The following SRSF12 variants were observed in gnomAD, a reference collection of about 807,000 sequenced individuals.
SRSF12 encodes serine/arginine-rich splicing factor 12.
In SRSF12, 21 loss-of-function variants were observed where a neutral mutation model predicts 34.1. The observed-to-expected ratio is 0.62, with a 90% CI of 0.44 to 0.89. The LOEUF is 0.89. SRSF12 is among the 40% of genes least tolerant of loss of function. SRSF12 has a pLI of 0.00. For synonymous variants in SRSF12, 111 were observed against 110.8 expected (o/e 1.00, Z -0.01); for missense variants, 278 against 327.8 (o/e 0.85, Z 1.17).
At chr6:89,104,053 T>C (rs76290300) in intron 4 of SRSF12, among the ~76,000 whole-genome samples, 8,155 of 128,956 alleles carry the variant, frequency 0.063, 731 homozygotes, top group African/African-American at 0.2. Flanking sequence ...GCCAGGCTAG[T>C]CTCAAACTCC....
At position 89,096,799 on chromosome 6, in the gene SRSF12, C is replaced by T. The variant is rs535638743; in HGVS notation, c.*1779G>A. ...TGGTGTGAGCCACTGTGCCCAGCCC[C>T]TAGTTTTTAAAATGATTTCACTTAT... On this transcript the variant is annotated 3_prime_UTR_variant, in exon 5 of 5. Transcript: ENST00000452027. The T allele has an allele frequency of 1.3e-5, 2 of 152,148 alleles. No homozygotes were observed. Among genetic ancestry groups the T allele is most frequent in the African/African-American group, 4.8e-5 (2 of 41,432 alleles). The allele number at this position is 152,148 out of a possible 1,614,324, so 9.4% of individuals were successfully genotyped here. A position where few individuals can be genotyped will look rare whatever the true frequency, so the allele number is the denominator to read the frequency against.
At chr6:89,112,739 T>C (rs1769118191) in intron 1 of SRSF12, among the ~76,000 whole-genome samples, 1 of 152,150 alleles carries the variant, frequency 6.6e-6, no homozygotes, top group Non-Finnish European at 1.5e-5. Flanking sequence ...ATATAGCTTT[T>C]TCCTTTTTTC....
intron 4 of SRSF12, among the ~76,000 whole-genome samples, chr6:89,101,499 A>G (rs1055465991): frequency 1.4e-4 from 22 of 152,280 alleles, no homozygotes; most frequent in African/African-American, 5.1e-4. Context: ...AGGCAGGTGG[A>G]TCACCTGAGG....
intron 4 of SRSF12, among the ~76,000 whole-genome samples, chr6:89,103,942 T>G (rs567364501): frequency 6.6e-6 from 1 of 152,110 alleles, no homozygotes; most frequent in East Asian, 1.9e-4. Flanking sequence ...GTAAATTGAT[T>G]TACATTAACT....
At chr6:89,111,525 T>C (rs1404610515) in intron 1 of SRSF12, among the ~76,000 whole-genome samples, 1 of 152,170 alleles carries the variant, frequency 6.6e-6, no homozygotes, top group Non-Finnish European at 1.5e-5. Flanking sequence ...TTACTAAACT[T>C]ATTAGTTCTA....
At chr6:89,105,744 A>G in intron 2 of SRSF12, 1 of 320,306 alleles carries the variant, frequency 3.1e-6, no homozygotes. Context: ...TCTAAAAATA[A>G]AAAGAACAAA....
rs55755280 is a variant in SRSF12, at chr6:89,098,292, T to C, written c.*286A>G. On this transcript the variant is annotated 3_prime_UTR_variant, in exon 5 of 5. Transcript: ENST00000452027. ...ACTATGCAAGTAGAATTTTAAAAATTAGTTCCAGTTTACTCATTTCCCTTG... is the reference window on the plus strand; with the variant it reads ...ACTATGCAAGTAGAATTTTAAAAATCAGTTCCAGTTTACTCATTTCCCTTG... 0.042 allele frequency: 11,263 copies of C among 267,800 alleles called. 984 individuals carry two copies. The highest frequency in any genetic ancestry group is 0.2 in the African/African-American group (8,988 of 44,442). The allele number at this position is 267,800 out of a possible 1,614,324, so 16.6% of individuals were successfully genotyped here. A position where few individuals can be genotyped will look rare whatever the true frequency, so the allele number is the denominator to read the frequency against.
Position 89,097,344 on chromosome 6 carries a change from C to T in SRSF12, c.*1234G>A, listed in dbSNP as rs577860093. On this transcript the variant is annotated 3_prime_UTR_variant, in exon 5 of 5. Coordinates refer to ENST00000452027, the MANE Select transcript of SRSF12 (RefSeq NM_080743.5). ...CATTCTATCACAAACACTACCAAAA[C>T]CCTTTGAAAAACATAAACTACAACA... The T allele has an allele frequency of 4.2e-4, 64 of 152,140 alleles. No individual in the cohort carries two copies. Among genetic ancestry groups the T allele is most frequent in the African/African-American group, 1.5e-3 (62 of 41,512 alleles). 9.4% of individuals were successfully genotyped at this position (152,140 alleles called of 1,614,324 possible).
At chr6:89,112,571 C>T (rs1395642694) in intron 1 of SRSF12, among the ~76,000 whole-genome samples, 2 of 149,044 alleles carry the variant, frequency 1.3e-5, no homozygotes, top group African/African-American at 2.5e-5. Flanking sequence ...CATCACCATG[C>T]CCGGCTAACT....
At chr6:89,101,230 A>G (rs1343422034) in intron 4 of SRSF12, among the ~76,000 whole-genome samples, 2 of 152,262 alleles carry the variant, frequency 1.3e-5, no homozygotes, top group African/African-American at 4.8e-5. Context: ...GCAGATGTAT[A>G]GCATACAGTC....
intron 1 of SRSF12, among the ~76,000 whole-genome samples, chr6:89,111,272 T>C (rs571915860): frequency 9.1e-4 from 139 of 152,294 alleles, no homozygotes; most frequent in African/African-American, 3.3e-3. Flanking sequence ...GCACACCTTG[T>C]TTATTCTATT....
Position 89,096,997 on chromosome 6 carries a change from TAGAGAA to T in SRSF12, c.*1575_*1580del, listed in dbSNP as rs1562187552. ...GTTTTGAAATAAATTTTGCTATGAT[TAGAGAA>T]AATCTATTCAGAAAGTACAATATAC... On this transcript the variant is annotated 3_prime_UTR_variant, in exon 5 of 5. Coordinates refer to ENST00000452027, the MANE Select transcript of SRSF12 (RefSeq NM_080743.5). The T allele has an allele frequency of 2.0e-5, 3 of 152,206 alleles. No homozygotes were observed. Among genetic ancestry groups the T allele is most frequent in the Non-Finnish European group, 2.9e-5 (2 of 68,036 alleles). The allele number at this position is 152,206 out of a possible 1,614,324, so 9.4% of individuals were successfully genotyped here. A position where few individuals can be genotyped will look rare whatever the true frequency, so the allele number is the denominator to read the frequency against.
At chr6:89,105,731 G>C (rs955895959) in intron 2 of SRSF12, 4 of 344,534 alleles carry the variant, frequency 1.2e-5, no homozygotes, top group Non-Finnish European at 1.6e-5. Flanking sequence ...TTAGAAGAGT[G>C]AGTCTAAAAA....
intron 1 of SRSF12, among the ~76,000 whole-genome samples, chr6:89,108,883 T>C (rs575807807): frequency 2.0e-5 from 3 of 152,184 alleles, no homozygotes; most frequent in Non-Finnish European, 2.9e-5. Context: ...TCAACAAAAA[T>C]TGACTAAGCA....
intron 4 of SRSF12, among the ~76,000 whole-genome samples, chr6:89,104,127 T>A (rs1311767593): frequency 1.3e-5 from 2 of 151,482 alleles, no homozygotes; most frequent in African/African-American, 4.9e-5. Flanking sequence ...CCTGGACATT[T>A]TATTGTATTT....
In SRSF12 at chr6:89,107,275, A is replaced by G. The variant is rs1214057768; in HGVS notation, c.66-17T>C. The G allele has an allele frequency of 6.3e-7, 1 of 1,596,006 alleles. No individual in the cohort carries two copies. The highest frequency in any genetic ancestry group is 1.1e-5 in the South Asian group (1 of 89,026). ...TCCTCAGGCCTGAAGTGTTTTAGAA[A>G]TAAGGCAAAGAAATATGAATAGCTG... is the stretch of plus-strand genomic sequence containing the variant. On this transcript the variant is annotated splice_polypyrimidine_tract_variant and intron_variant, in intron 1 of 4. Coordinates refer to ENST00000452027, the MANE Select transcript of SRSF12 (RefSeq NM_080743.5).
intron 4 of SRSF12, among the ~76,000 whole-genome samples, chr6:89,103,991 C>CTTTTTTTTTTTTTTTTT (rs55760020): frequency 1.2e-5 from 1 of 81,950 alleles, no homozygotes; most frequent in African/African-American, 4.7e-5. Context: ...TATTATATTT[C>CTTTTTTTTTTTTTTTTT]TTTTTTTTTT....
chr6:89,102,112 A>G lies in SRSF12; in HGVS notation c.416+3007T>C, dbSNP rs183207957. Among the ~76,000 whole-genome samples the G allele has an allele frequency of 2.4e-3, 358 of 151,872 alleles. 4 individuals carry two copies. The highest frequency in any genetic ancestry group is 8.0e-3 in the African/African-American group (329 of 41,382). On this transcript the variant is annotated intron_variant, in intron 4 of 4. Transcript: ENST00000452027. ...TTTAAAAAGCTTTCTTTGGAGAATG[A>G]TAACACCATGTAGAGCCTCTTCAAT...
intron 4 of SRSF12, 118 bp from the exon 5 acceptor site, chr6:89,099,065 T>TA (rs1408516098): frequency 2.6e-5 from 32 of 1,238,674 alleles, no homozygotes; most frequent in Non-Finnish European, 3.2e-5. Flanking sequence ...CTAGATAAGC[T>TA]AAAAAAATTT....
Sources: allele counts gnomAD v4.1 joint callset (sites outside exome capture counted in the v4.1 genomes callset), GRCh38; gene constraint gnomAD v4.1.1; transcripts MANE v1.5; gene names NCBI Gene and HGNC (gene_info 2026-07-23, HGNC 2026-07-21).